ANAPC7: variants seen among roughly 807,000 people sequenced by gnomAD.
The protein encoded by ANAPC7 is anaphase promoting complex subunit 7, also known as anaphase-promoting complex subunit 7.
Under a neutral mutation model 63.3 loss-of-function variants are expected in ANAPC7, and 25 were observed. The ratio of observed to expected loss-of-function variants is 0.39; its 90% CI spans 0.29 to 0.55. ANAPC7 has a LOEUF of 0.55. Ranked by LOEUF, ANAPC7 falls within the 20% of genes least tolerant of loss-of-function variation. ANAPC7 has a pLI of 0.57. For synonymous variants in ANAPC7, 241 were observed against 251.7 expected, an observed-to-expected ratio of 0.96 and a Z score of 0.40; for missense variants, 516 against 691.7, an observed-to-expected ratio of 0.75 and a Z score of 2.85.
At chr12:110,386,512 A>G in intron 5 of ANAPC7, 43 bp from the exon 6 acceptor site, 1 of 1,523,618 alleles carries the variant, frequency 6.6e-7, no homozygotes, top group Non-Finnish European at 9.0e-7. Context: ...AATCTATTAT[A>G]AATCCTCTTA....
intron 1 of ANAPC7, among the ~76,000 whole-genome samples, chr12:110,402,852 C>T (rs2062252004): frequency 6.6e-6 from 1 of 152,208 alleles, no homozygotes; most frequent in African/African-American, 2.4e-5. Flanking sequence ...CCTCCTGCCT[C>T]AGCCTCCCGA....
intron 2 of ANAPC7, 71 bp from the exon 3 acceptor site, chr12:110,395,291 A>C: frequency 1.4e-6 from 2 of 1,474,482 alleles, no homozygotes; most frequent in Non-Finnish European, 1.8e-6. Flanking sequence ...AACGTTAAAC[A>C]TAGAGTTATC....
At chr12:110,399,751 C>T (rs1022234302) in intron 1 of ANAPC7, among the ~76,000 whole-genome samples, 17 of 148,914 alleles carry the variant, frequency 1.1e-4, no homozygotes, top group Non-Finnish European at 2.2e-4. Flanking sequence ...GATCCCACCA[C>T]TGCACTCCAG....
Position 110,381,950 on chromosome 12 carries a change from T to C in ANAPC7, c.936-2A>G. 2 of 632,342 alleles carry C rather than the reference T, an allele frequency of 3.2e-6. No individual in the cohort carries two copies. Among genetic ancestry groups the C allele is most frequent in the Non-Finnish European group, 4.3e-6 (2 of 463,748 alleles). The allele number at this position is 632,342 out of a possible 1,614,324, so 39.2% of individuals were successfully genotyped here. A position where few individuals can be genotyped will look rare whatever the true frequency, so the allele number is the denominator to read the frequency against. Reference sequence around the variant, plus strand: ...CGTTTGCTATAGAAGCTGTGACAGCTGGAGAAAAAAAAAAAAAAAAAAACA... The same window carrying C: ...CGTTTGCTATAGAAGCTGTGACAGCCGGAGAAAAAAAAAAAAAAAAAAACA... On this transcript the variant is annotated splice_acceptor_variant, in intron 7 of 10. Coordinates refer to ENST00000455511, the MANE Select transcript of ANAPC7 (RefSeq NM_016238.3). LOFTEE classifies it high-confidence loss of function.
chr12:110,380,476 C>T (rs1881717246), intron 8 of ANAPC7, among the ~76,000 whole-genome samples: 2 of 151,796 alleles, frequency 1.3e-5, no homozygotes, highest in Admixed American at 1.3e-4. Context: ...CATGGTGAAA[C>T]TCCATCTCAC....
chr12:110,397,281 G>A (rs1486491123), intron 1 of ANAPC7, among the ~76,000 whole-genome samples: 4 of 151,980 alleles, frequency 2.6e-5, no homozygotes, highest in East Asian at 1.9e-4. Context: ...AAGGCCAGGC[G>A]CGGTGGCTCA....
intron 1 of ANAPC7, among the ~76,000 whole-genome samples, chr12:110,401,581 C>T (rs1277391784): frequency 6.6e-6 from 1 of 152,076 alleles, no homozygotes; most frequent in African/African-American, 2.4e-5. Context: ...GTAGAGAACA[C>T]GCTTGGTGCA....
rs60143179 is a variant in ANAPC7, at chr12:110,375,137, C to A, written c.1509-804G>T. On this transcript the variant is annotated intron_variant, in intron 10 of 10. Transcript: ENST00000455511. ...GGCACCGTTTCTACCGATATAAATG[C>A]GGACCGATCTGTAACATCTCCTCGT... 8.7e-3 allele frequency among the ~76,000 whole-genome samples: 1,320 copies of A among 152,262 alleles called. 27 individuals are homozygous for A. Among genetic ancestry groups the A allele is most frequent in the African/African-American group, 0.03 (1,266 of 41,510 alleles).
At chr12:110,402,422 C>G (rs1028687255) in intron 1 of ANAPC7, among the ~76,000 whole-genome samples, 1 of 151,854 alleles carries the variant, frequency 6.6e-6, no homozygotes, top group African/African-American at 2.4e-5. Context: ...CTCCGCCTCC[C>G]GGGTTCACGT....
chr12:110,376,882 G>A (rs1021091594), intron 9 of ANAPC7, among the ~76,000 whole-genome samples: 7 of 151,928 alleles, frequency 4.6e-5, no homozygotes, highest in African/African-American at 1.7e-4. Context: ...CACCACTTTG[G>A]GAGGCCGAGG....
At chr12:110,387,698 A>G in intron 5 of ANAPC7, 41 bp downstream of exon 5, 1 of 1,573,350 alleles carries the variant, frequency 6.4e-7, no homozygotes. Flanking sequence ...CCAGACAAGC[A>G]AAGGGCCTCA....
chr12:110,394,101 G>A (rs1336507399), intron 3 of ANAPC7, among the ~76,000 whole-genome samples: 1 of 151,500 alleles, frequency 6.6e-6, no homozygotes, highest in Non-Finnish European at 1.5e-5. Context: ...ACTTGAACCC[G>A]GGAGGTGGTG....
At chr12:110,392,781 G>C (rs1883208954) in intron 3 of ANAPC7, among the ~76,000 whole-genome samples, 2 of 151,978 alleles carry the variant, frequency 1.3e-5, no homozygotes, top group African/African-American at 4.8e-5. Flanking sequence ...CTAGACACCA[G>C]ATCTTTTTTT....
intron 3 of ANAPC7, among the ~76,000 whole-genome samples, chr12:110,394,296 A>C (rs1883366533): frequency 6.6e-6 from 1 of 151,830 alleles, no homozygotes; most frequent in African/African-American, 2.4e-5. Flanking sequence ...TTTGAGACCA[A>C]CCTGGGCAAC....
At chr12:110,377,849 G>C (rs1881430161) in intron 8 of ANAPC7, 3 of 1,392,796 alleles carry the variant, frequency 2.2e-6, no homozygotes, top group Non-Finnish European at 2.8e-6. Flanking sequence ...GGCACCTTCA[G>C]TTTAGGGAAG....
At chr12:110,401,083 T>C (rs2062221169) in intron 1 of ANAPC7, among the ~76,000 whole-genome samples, 1 of 152,056 alleles carries the variant, frequency 6.6e-6, no homozygotes, top group Non-Finnish European at 1.5e-5. Context: ...CAAAGTGCAC[T>C]AATGAAAATC....
chr12:110,402,860 CG>C (rs1384755008), intron 1 of ANAPC7, among the ~76,000 whole-genome samples: 2 of 152,152 alleles, frequency 1.3e-5, no homozygotes, highest in Non-Finnish European at 1.5e-5. Context: ...CTCAGCCTCC[CG>C]AGTAGCTGGG....
In ANAPC7 at chr12:110,381,938, AGCTGTGACAGCTGGAG is replaced by A; in HGVS notation, c.936-6_945del. ...GCCCGGGAGTAGCGTTTGCTATAGAAGCTGTGACAGCTGGAGAAAAAAAAAAAAAAAAAAACACAAA... is the reference window on the plus strand; with the variant it reads ...GCCCGGGAGTAGCGTTTGCTATAGAAAAAAAAAAAAAAAAAAAAACACAAA... On this transcript the variant is annotated splice_acceptor_variant and splice_polypyrimidine_tract_variant and coding_sequence_variant and intron_variant, in exon 8 of 11. Transcript: ENST00000455511. LOFTEE classifies it high-confidence loss of function. 8.3e-7 allele frequency: 1 copy of A among 1,207,828 alleles called. No homozygotes were observed. The allele number at this position is 1,207,828 out of a possible 1,614,324, so 74.8% of individuals were successfully genotyped here.
At chr12:110,380,615 C>T (rs547642139) in intron 8 of ANAPC7, among the ~76,000 whole-genome samples, 2 of 145,888 alleles carry the variant, frequency 1.4e-5, no homozygotes, top group African/African-American at 5.2e-5. Context: ...CATGCCACTG[C>T]ACTCCAGCCT....
Sources: allele counts gnomAD v4.1 joint callset (sites outside exome capture counted in the v4.1 genomes callset), GRCh38; gene constraint gnomAD v4.1.1; transcripts MANE v1.5; gene names NCBI Gene and HGNC (gene_info 2026-07-23, HGNC 2026-07-21).